Variants in CACNA2D4 observed in about 807,000 individuals in gnomAD.
CACNA2D4 encodes the protein calcium voltage-gated channel auxiliary subunit alpha2delta 4, also known as voltage-dependent calcium channel subunit alpha-2/delta-4.
In CACNA2D4, 157 loss-of-function variants were observed where a neutral mutation model predicts 163.8. That is an observed-to-expected ratio of 0.96 (90% CI 0.84 to 1.09). CACNA2D4 has a LOEUF of 1.09. Ranked by LOEUF, CACNA2D4 falls within the 50% of genes least tolerant of loss-of-function variation. The pLI, the probability that CACNA2D4 is intolerant of heterozygous loss-of-function variation, is 0.00. For missense variants in CACNA2D4, 1,410 were observed against 1,479.9 expected, an observed-to-expected ratio of 0.95 and a Z score of 0.78; for synonymous variants, 598 against 586.9, an observed-to-expected ratio of 1.02 and a Z score of -0.27.
intron 24 of CACNA2D4, among the ~76,000 whole-genome samples, chr12:1,846,158 GAA>G (rs1242538537): frequency 1.3e-5 from 2 of 152,256 alleles, no homozygotes; most frequent in East Asian, 1.9e-4. Flanking sequence ...TAGGAGTGGG[GAA>G]AAGAGACACA....
chr12:1,894,815 A>G (rs1295234566), intron 6 of CACNA2D4, among the ~76,000 whole-genome samples: 2 of 152,190 alleles, frequency 1.3e-5, no homozygotes, highest in Non-Finnish European at 2.9e-5. Context: ...CCTTTCTTCT[A>G]AGAACTGGAA....
chr12:1,829,711 C>T lies in CACNA2D4; in HGVS notation c.2551+11028G>A, dbSNP rs1864531293. Among the ~76,000 whole-genome samples the T allele has an allele frequency of 1.3e-5, 2 of 149,138 alleles. No individual in the cohort carries two copies. The highest frequency in any genetic ancestry group is 3.0e-5 in the Non-Finnish European group (2 of 67,146). ...CCCATCGGCCCACCCCGACCTGGGA[C>T]AGCCAGGTCCCAGGTCCCATGTCAG... is the stretch of plus-strand genomic sequence containing the variant. On this transcript the variant is annotated intron_variant, in intron 26 of 37. Transcript: ENST00000382722. The surrounding 1 kb of genome is among the most constrained non-coding windows in gnomAD (Gnocchi z 4.2).
At chr12:1,797,026 G>T (rs1438730951) in intron 35 of CACNA2D4, among the ~76,000 whole-genome samples, 2 of 152,212 alleles carry the variant, frequency 1.3e-5, no homozygotes, top group Admixed American at 6.5e-5. Flanking sequence ...CAGCTCAGGC[G>T]CGGGCACTGG....
intron 29 of CACNA2D4, among the ~76,000 whole-genome samples, chr12:1,804,588 G>A (rs1863457309): frequency 6.6e-6 from 1 of 152,234 alleles, no homozygotes; most frequent in South Asian, 2.1e-4. Context: ...GTCTTCTTTA[G>A]TTAGGCAGCC....
chr12:1,898,491 T>C (rs913451457), intron 6 of CACNA2D4, among the ~76,000 whole-genome samples: 2 of 152,130 alleles, frequency 1.3e-5, no homozygotes, highest in Non-Finnish European at 2.9e-5. Flanking sequence ...AAGTCATTAA[T>C]CATTAAGGGC....
rs546729003 is a variant in CACNA2D4, at chr12:1,874,479, A to G, written c.1878+125T>C. 2 of 673,882 alleles carry G rather than the reference A, an allele frequency of 3.0e-6. No homozygotes were observed. Among genetic ancestry groups the G allele is most frequent in the African/African-American group, 1.8e-5 (1 of 56,250 alleles). 41.7% of individuals were successfully genotyped at this position (673,882 alleles called of 1,614,324 possible). A position where few individuals can be genotyped will look rare whatever the true frequency, so the allele number is the denominator to read the frequency against. Reference sequence around the variant, plus strand: ...GCGTATACTCCCTAATGGACCCTCTAGGTGCAGCAAGCACTCAACTCTTCA... The same window carrying G: ...GCGTATACTCCCTAATGGACCCTCTGGGTGCAGCAAGCACTCAACTCTTCA... On this transcript the variant is annotated intron_variant, in intron 18 of 37. Transcript: ENST00000382722. This position sits in a 1 kb window ranked among gnomAD's most constrained non-coding sequence, Gnocchi z 4.4.
At chr12:1,907,764 G>T in intron 5 of CACNA2D4, 111 bp downstream of exon 5, 1 of 1,342,886 alleles carries the variant, frequency 7.4e-7, no homozygotes, top group Middle Eastern at 2.2e-4. Flanking sequence ...GGGTGTGTCT[G>T]GTGGGCCAGC....
intron 24 of CACNA2D4, among the ~76,000 whole-genome samples, chr12:1,846,338 G>A (rs908112624): frequency 1.3e-5 from 2 of 152,178 alleles, no homozygotes; most frequent in South Asian, 2.1e-4. Context: ...CCACCAGGAT[G>A]TGTAAGCCTT....
In CACNA2D4 at chr12:1,830,352, C is replaced by T. The variant is rs976722001; in HGVS notation, c.2551+10387G>A. 7.2e-5 allele frequency among the ~76,000 whole-genome samples: 11 copies of T among 152,206 alleles called. No homozygotes were observed. The East Asian group carries it at 2.1e-3, about 29-fold the overall frequency. ...TGGAAACATAACAGCACTTGGGACG[C>T]CGTGAAGGACAGGGCTAGGAGTGCT... On this transcript the variant is annotated intron_variant, in intron 26 of 37. Coordinates refer to ENST00000382722, the MANE Select transcript of CACNA2D4 (RefSeq NM_172364.5).
Position 1,799,651 on chromosome 12 carries a change from G to C in CACNA2D4, c.2995+24C>G. On this transcript the variant is annotated intron_variant, in intron 34 of 37. Coordinates refer to ENST00000382722, the MANE Select transcript of CACNA2D4 (RefSeq NM_172364.5). This position sits in a 1 kb window ranked among gnomAD's most constrained non-coding sequence, Gnocchi z 4.7. ...GCGTCCCCAACCCACCGCCAGCAGG[G>C]ATGGCCTCAGCTGGGCTACTTACAG... 1 of 1,563,136 alleles carries C rather than the reference G, an allele frequency of 6.4e-7. No homozygotes were observed. Among genetic ancestry groups the C allele is most frequent in the Non-Finnish European group, 8.7e-7 (1 of 1,153,878 alleles).
At position 1,799,840 on chromosome 12, in the gene CACNA2D4, G is replaced by C. The variant is rs1047478539; in HGVS notation, c.2975-145C>G. Reference sequence around the variant, plus strand: ...ATGTCACACACAGAGCCAGGAGTGAGGGATGTGATGAGAGAAGGCCACGCA... The same window carrying C: ...ATGTCACACACAGAGCCAGGAGTGACGGATGTGATGAGAGAAGGCCACGCA... On this transcript the variant is annotated intron_variant, in intron 33 of 37. Coordinates refer to ENST00000382722, the MANE Select transcript of CACNA2D4 (RefSeq NM_172364.5). The surrounding 1 kb of genome is among the most constrained non-coding windows in gnomAD (Gnocchi z 4.7). The C allele has an allele frequency of 1.1e-5, 14 of 1,288,812 alleles. No homozygotes were observed. The African/African-American group carries it at 1.9e-4, about 18-fold the overall frequency. The allele number at this position is 1,288,812 out of a possible 1,614,324, so 79.8% of individuals were successfully genotyped here.
intron 30 of CACNA2D4, 135 bp downstream of exon 30, chr12:1,801,439 G>T (rs1863324826): frequency 3.9e-6 from 3 of 762,452 alleles, no homozygotes; most frequent in African/African-American, 1.7e-5. Context: ...CTCCATAAAG[G>T]TTGCTTTTGC....
At position 1,847,566 on chromosome 12, in the gene CACNA2D4, T is replaced by G. The variant is rs545476378; in HGVS notation, c.2247-877A>C. The stretch of plus-strand genomic sequence containing the variant: ...CTGTAGCCAGGGGGCTTGTACAGGG[T>G]GGGCATGGGAGTCATAGGACTCGAG... On this transcript the variant is annotated intron_variant, in intron 23 of 37. Coordinates refer to ENST00000382722, the MANE Select transcript of CACNA2D4 (RefSeq NM_172364.5). Among the ~76,000 whole-genome samples, 4 of 152,214 alleles carry G rather than the reference T, an allele frequency of 2.6e-5. No individual in the cohort carries two copies. The East Asian group carries it at 7.8e-4, about 30-fold the overall frequency.
At chr12:1,871,593 T>C (rs1434210936) in intron 18 of CACNA2D4, among the ~76,000 whole-genome samples, 4 of 151,920 alleles carry the variant, frequency 2.6e-5, no homozygotes, top group Non-Finnish European at 5.9e-5. Flanking sequence ...CTGGTGTATG[T>C]GTGTACACAT....
At chr12:1,814,687 G>A (rs79019277) in intron 26 of CACNA2D4, among the ~76,000 whole-genome samples, 7,132 of 152,084 alleles carry the variant, frequency 0.047, 250 homozygotes, top group Non-Finnish European at 0.075. Context: ...AAATCTGTCC[G>A]CTTCCCTCCA....
chr12:1,891,297 C>G (rs1335002435), intron 6 of CACNA2D4, among the ~76,000 whole-genome samples: 1 of 152,226 alleles, frequency 6.6e-6, no homozygotes, highest in Non-Finnish European at 1.5e-5. Flanking sequence ...CCCTAAGCCA[C>G]TGAGGAAATC....
At chr12:1,885,415 G>A (rs1007074720) in intron 9 of CACNA2D4, among the ~76,000 whole-genome samples, 16 of 152,258 alleles carry the variant, frequency 1.1e-4, no homozygotes, top group Non-Finnish European at 2.4e-4. Context: ...CGCAGCCCAG[G>A]GGTGCACACT....
intron 4 of CACNA2D4, among the ~76,000 whole-genome samples, chr12:1,909,254 C>T (rs1395945401): frequency 2.0e-5 from 3 of 152,214 alleles, no homozygotes; most frequent in Non-Finnish European, 2.9e-5. Flanking sequence ...TGCAGTGGCG[C>T]GATCTCGGCT....
chr12:1,856,155 C>G (rs200104514), intron 21 of CACNA2D4, 29 bp downstream of exon 21: 2 of 1,613,928 alleles, frequency 1.2e-6, no homozygotes, highest in Admixed American at 1.7e-5. Flanking sequence ...TTCCACCTGT[C>G]TCCCTCCCAT....
Sources: allele counts gnomAD v4.1 joint callset (sites outside exome capture counted in the v4.1 genomes callset), GRCh38; gene constraint gnomAD v4.1.1; non-coding constraint Gnocchi (gnomAD v3.1); transcripts MANE v1.5; gene names NCBI Gene and HGNC (gene_info 2026-07-23, HGNC 2026-07-21).